ARHGEF38: variants seen among roughly 807,000 people sequenced by gnomAD.
ARHGEF38 encodes the protein Rho guanine nucleotide exchange factor (GEF) 38.
In ARHGEF38, 79 loss-of-function variants were observed where a neutral mutation model predicts 79.9. The ratio of observed to expected loss-of-function variants is 0.99; its 90% CI spans 0.82 to 1.19. The LOEUF (loss-of-function observed/expected upper bound fraction) is 1.19. Among genes scored for constraint, ARHGEF38 ranks in the 50% most tolerant of loss-of-function variants. ARHGEF38 has a pLI of 0.00. For synonymous variants in ARHGEF38, 366 were observed against 328.3 expected (o/e 1.11, Z -1.24); for missense variants, 962 against 907.2 (o/e 1.06, Z -0.78).
At chr4:105,631,443 A>C in intron 4 of ARHGEF38, 1 of 986,664 alleles carries the variant, frequency 1.0e-6, no homozygotes, top group Non-Finnish European at 1.2e-6. Flanking sequence ...AATGGCCTAC[A>C]ACTCTGCATG....
intron 1 of ARHGEF38, among the ~76,000 whole-genome samples, chr4:105,572,583 T>A (rs1028439809): frequency 2.6e-5 from 4 of 152,172 alleles, no homozygotes; most frequent in Non-Finnish European, 5.9e-5. Flanking sequence ...ATCTCCACTT[T>A]CCGTTTCTAT....
rs578191626 is a variant in ARHGEF38, at chr4:105,585,470, A to G, written c.197-3778A>G. Among the ~76,000 whole-genome samples the G allele has an allele frequency of 2.8e-5, 4 of 141,572 alleles. No homozygotes were observed. The East Asian group carries it at 9.3e-4, about 33-fold the overall frequency. 92.9% of individuals were successfully genotyped at this position (141,572 alleles called of 152,430 possible). The stretch of plus-strand genomic sequence containing the variant: ...GAATCTCCACATATATTATTAATGA[A>G]TTTTGTGGCTAGAATAGTAAAAATT... On this transcript the variant is annotated intron_variant, in intron 1 of 13. Transcript: ENST00000420470.
intron 5 of ARHGEF38, among the ~76,000 whole-genome samples, chr4:105,642,550 A>T (rs1162250065): frequency 1.3e-5 from 2 of 152,178 alleles, no homozygotes; most frequent in African/African-American, 4.8e-5. Flanking sequence ...GCAGTTCTTA[A>T]CATTTAAAGT....
chr4:105,619,282 G>A (rs1352986406), intron 3 of ARHGEF38, among the ~76,000 whole-genome samples: 2 of 151,302 alleles, frequency 1.3e-5, no homozygotes, highest in Admixed American at 6.6e-5. Flanking sequence ...GAGGGGAGAG[G>A]CCCAAACTGC....
At position 105,631,089 on chromosome 4, in the gene ARHGEF38, C is replaced by T. The variant is rs759218987; in HGVS notation, c.656+44C>T. The T allele has an allele frequency of 3.4e-5, 54 of 1,572,228 alleles. 1 individual carries two copies. Among genetic ancestry groups the T allele is most frequent in the Middle Eastern group, 3.4e-4 (2 of 5,868 alleles). ...ATGATTCCCATCTCCTCTCAGTTGCCTAGCAGGGAACATTTTAAATGGATG... is the reference window on the plus strand; with the variant it reads ...ATGATTCCCATCTCCTCTCAGTTGCTTAGCAGGGAACATTTTAAATGGATG... On this transcript the variant is annotated intron_variant, in intron 4 of 13. Transcript: ENST00000420470.
chr4:105,615,225 G>T (rs1728464205), intron 3 of ARHGEF38, among the ~76,000 whole-genome samples: 1 of 152,176 alleles, frequency 6.6e-6, no homozygotes, highest in Non-Finnish European at 1.5e-5. Flanking sequence ...ATTTGGAAAT[G>T]AAGTTTGGAA....
chr4:105,666,509 T>G (rs1730755521), intron 11 of ARHGEF38, among the ~76,000 whole-genome samples, 189 bp downstream of exon 11: 1 of 152,208 alleles, frequency 6.6e-6, no homozygotes, highest in Admixed American at 6.5e-5. Context: ...TTTTTTCTAC[T>G]TTGTACATGG....
rs17035899 is a variant in ARHGEF38, at chr4:105,594,956, G to A, written c.384+5521G>A. Among the ~76,000 whole-genome samples, 1,263 of 152,260 alleles carry A rather than the reference G, an allele frequency of 8.3e-3. 6 individuals carry two copies. Among genetic ancestry groups the A allele is most frequent in the African/African-American group, 0.029 (1,198 of 41,566 alleles). The stretch of plus-strand genomic sequence containing the variant: ...AACAGGGCAGTGAGAGATACTCTAT[G>A]TTTTTGGCTATAAGTCAAAGTAAAT... On this transcript the variant is annotated intron_variant, in intron 2 of 13. Coordinates refer to ENST00000420470, the MANE Select transcript of ARHGEF38 (RefSeq NM_001242729.2).
intron 1 of ARHGEF38, among the ~76,000 whole-genome samples, chr4:105,571,314 TC>T (rs1450915160): frequency 2.2e-4 from 27 of 123,278 alleles, no homozygotes; most frequent in African/African-American, 7.9e-4. Flanking sequence ...CCTTTTTTTT[TC>T]TTTTTCTTTT....
In ARHGEF38 at chr4:105,574,436, A is replaced by G. The variant is rs544874674; in HGVS notation, c.197-14812A>G. 1.8e-4 allele frequency among the ~76,000 whole-genome samples: 27 copies of G among 152,090 alleles called. No homozygotes were observed. In the South Asian group the frequency reaches 5.0e-3, roughly 28 times the overall value. ...CATGGTTGTAGGCACCTGTAATCCCAGCTACTTGGAGGCTGAGGCAGGAAA... is the reference window on the plus strand; with the variant it reads ...CATGGTTGTAGGCACCTGTAATCCCGGCTACTTGGAGGCTGAGGCAGGAAA... On this transcript the variant is annotated intron_variant, in intron 1 of 13. Coordinates refer to ENST00000420470, the MANE Select transcript of ARHGEF38 (RefSeq NM_001242729.2).
chr4:105,641,705 C>T (rs10032142), intron 5 of ARHGEF38, among the ~76,000 whole-genome samples: 49,405 of 151,492 alleles, frequency 0.33, 11,007 homozygotes, highest in African/African-American at 0.63. Flanking sequence ...AATATAGATG[C>T]GCTGCATGTT....
chr4:105,673,255 G>T (rs1309871191), intron 13 of ARHGEF38, among the ~76,000 whole-genome samples: 1 of 152,066 alleles, frequency 6.6e-6, no homozygotes, highest in African/African-American at 2.4e-5. Context: ...CTAGAATTCT[G>T]CCTTCCAGAG....
At chr4:105,604,097 T>C (rs1369024992) in intron 2 of ARHGEF38, among the ~76,000 whole-genome samples, 1 of 152,060 alleles carries the variant, frequency 6.6e-6, no homozygotes, top group Non-Finnish European at 1.5e-5. Context: ...TGGAGTGCCA[T>C]GCGGCAGGAG....
At chr4:105,664,348 T>C (rs151307633) in intron 10 of ARHGEF38, among the ~76,000 whole-genome samples, 7 of 152,362 alleles carry the variant, frequency 4.6e-5, no homozygotes, top group African/African-American at 1.7e-4. Flanking sequence ...GTAACTACTT[T>C]CCAACTCTTT....
chr4:105,576,870 G>T (rs374391290), intron 1 of ARHGEF38, among the ~76,000 whole-genome samples: 12 of 152,106 alleles, frequency 7.9e-5, no homozygotes, highest in African/African-American at 2.9e-4. Context: ...CTATTGAGAA[G>T]ATCCTATGAT....
At chr4:105,604,782 A>G (rs1157509543) in intron 2 of ARHGEF38, among the ~76,000 whole-genome samples, 1 of 152,106 alleles carries the variant, frequency 6.6e-6, no homozygotes, top group Non-Finnish European at 1.5e-5. Context: ...CACAGTGAGT[A>G]CTCAAGTGAT....
At chr4:105,598,538 G>A (rs894213065) in intron 2 of ARHGEF38, among the ~76,000 whole-genome samples, 2 of 152,138 alleles carry the variant, frequency 1.3e-5, no homozygotes, top group Admixed American at 6.5e-5. Context: ...ACTTGAAAAT[G>A]TTATACTCTT....
chr4:105,618,955 A>G (rs1728627248), intron 3 of ARHGEF38, among the ~76,000 whole-genome samples: 1 of 152,144 alleles, frequency 6.6e-6, no homozygotes, highest in Admixed American at 6.6e-5. Context: ...TATTTGCACT[A>G]TTTTTTCAAC....
intron 2 of ARHGEF38, among the ~76,000 whole-genome samples, chr4:105,608,219 A>G (rs1728137496): frequency 6.6e-6 from 1 of 151,996 alleles, no homozygotes; most frequent in African/African-American, 2.4e-5. Flanking sequence ...CCACATCCTC[A>G]CCAATACTTG....
Sources: allele counts gnomAD v4.1 joint callset (sites outside exome capture counted in the v4.1 genomes callset), GRCh38; gene constraint gnomAD v4.1.1; transcripts MANE v1.5; gene names NCBI Gene and HGNC (gene_info 2026-07-23, HGNC 2026-07-21).